The following COL5A2 variants were observed in gnomAD, a reference collection of about 807,000 sequenced individuals.
COL5A2 encodes the protein collagen alpha-2(V) chain.
COL5A2 carries 23 observed loss-of-function variants against 208.2 expected under a neutral mutation model. That is an observed-to-expected ratio of 0.11 (90% confidence interval 0.08 to 0.16). COL5A2 has a LOEUF of 0.16. Ranked by LOEUF, COL5A2 falls within the 10% of genes least tolerant of loss-of-function variation. The pLI is 1.00. For synonymous variants in COL5A2, 625 were observed against 628.5 expected (o/e 0.99, Z 0.08); for missense variants, 1,590 against 1,956.4 (o/e 0.81, Z 3.53).
chr2:189,347,811 T>C, the COL5A2 span, among the ~76,000 whole-genome samples: 1 of 152,166 alleles, frequency 6.6e-6, no homozygotes, highest in African/African-American at 2.4e-5. Context: ...TGAGAGAATG[T>C]TTGAAAATGT....
intron 3 of COL5A2, among the ~76,000 whole-genome samples, chr2:189,103,600 G>A (rs1053651397): frequency 3.9e-5 from 6 of 151,950 alleles, no homozygotes; most frequent in Non-Finnish European, 4.4e-5. Flanking sequence ...AACTATCTTC[G>A]CTTCGTAGGA....
the COL5A2 span, among the ~76,000 whole-genome samples, chr2:189,245,332 A>C: frequency 6.6e-6 from 1 of 152,286 alleles, no homozygotes; most frequent in East Asian, 1.9e-4. Flanking sequence ...CAGGCACAGA[A>C]ACTTACTGTA....
intron 1 of COL5A2, among the ~76,000 whole-genome samples, chr2:189,215,626 CT>C (rs935306401): frequency 2.0e-5 from 3 of 151,824 alleles, no homozygotes; most frequent in Non-Finnish European, 4.4e-5. Flanking sequence ...CATTACATAT[CT>C]TTTGGGCAGT....
At chr2:189,057,139 G>C in intron 34 of COL5A2, 113 bp from the exon 35 acceptor site, 2 of 1,258,534 alleles carry the variant, frequency 1.6e-6, no homozygotes, top group Non-Finnish European at 2.3e-6. Context: ...GTATCCAGGT[G>C]AGCCTGGGAT....
chr2:189,350,705 C>T, the COL5A2 span, among the ~76,000 whole-genome samples: 1 of 152,112 alleles, frequency 6.6e-6, no homozygotes, highest in African/African-American at 2.4e-5. Flanking sequence ...TGTAATTGTT[C>T]TGGGCATCAA....
the COL5A2 span, among the ~76,000 whole-genome samples, chr2:189,395,811 G>A: frequency 0.068 from 9,988 of 146,138 alleles, 378 homozygotes; most frequent in South Asian, 0.093. Context: ...GGGAGGCTGA[G>A]TGAGGCAGGT....
At chr2:189,220,466 T>C (rs540159675) in intron 1 of COL5A2, among the ~76,000 whole-genome samples, 123 of 68,632 alleles carry the variant, frequency 1.8e-3, no homozygotes, top group African/African-American at 3.3e-3. Flanking sequence ...GCTCGGTGTA[T>C]TAACAAAAAA....
intron 1 of COL5A2, among the ~76,000 whole-genome samples, chr2:189,125,259 G>T (rs1219743196): frequency 6.6e-6 from 1 of 152,144 alleles, no homozygotes; most frequent in African/African-American, 2.4e-5. Flanking sequence ...GCCATTCACA[G>T]TATCTGAATT....
chr2:189,347,956 G>A, the COL5A2 span, among the ~76,000 whole-genome samples: 1 of 152,076 alleles, frequency 6.6e-6, no homozygotes, highest in Non-Finnish European at 1.5e-5. Flanking sequence ...GCAAGCATAA[G>A]CATGTTTTCA....
At chr2:189,050,499 A>T (rs1177782402) in intron 43 of COL5A2, 70 bp downstream of exon 43, 2 of 1,294,316 alleles carry the variant, frequency 1.5e-6, no homozygotes, top group East Asian at 2.5e-5. Context: ...AGCAAAAAAA[A>T]TAAAATCAAT....
At chr2:189,249,635 G>A in the COL5A2 span, among the ~76,000 whole-genome samples, 1 of 152,164 alleles carries the variant, frequency 6.6e-6, no homozygotes, top group Non-Finnish European at 1.5e-5. Flanking sequence ...AAATAACACA[G>A]ACACCACTCA....
At chr2:189,096,850 G>T (rs1012511649) in intron 6 of COL5A2, among the ~76,000 whole-genome samples, 5 of 152,160 alleles carry the variant, frequency 3.3e-5, no homozygotes, top group South Asian at 2.1e-4. Flanking sequence ...TGCAGTGGCT[G>T]CTGAGTGAAA....
At chr2:189,178,238 A>T (rs1688713974) in intron 1 of COL5A2, among the ~76,000 whole-genome samples, 1 of 152,180 alleles carries the variant, frequency 6.6e-6, no homozygotes, top group African/African-American at 2.4e-5. Flanking sequence ...GACTCCTGAC[A>T]GATTGTTGGA....
intron 1 of COL5A2, among the ~76,000 whole-genome samples, chr2:189,141,504 A>G (rs1399051978): frequency 6.6e-6 from 1 of 152,140 alleles, no homozygotes; most frequent in African/African-American, 2.4e-5. Context: ...TGCTGAGTAT[A>G]TATTAATATA....
At chr2:189,039,168 A>C in intron 51 of COL5A2, 104 bp downstream of exon 51, 2 of 1,380,768 alleles carry the variant, frequency 1.4e-6, no homozygotes, top group Non-Finnish European at 2.0e-6. Context: ...TTTTTATCTC[A>C]AATCTATCAC....
At chr2:189,070,520 G>C (rs557487256) in intron 18 of COL5A2, among the ~76,000 whole-genome samples, 4 of 152,164 alleles carry the variant, frequency 2.6e-5, no homozygotes, top group Non-Finnish European at 5.9e-5. Flanking sequence ...CTAGATATTT[G>C]AGTTTTATTG....
chr2:189,238,564 C>A, the COL5A2 span, among the ~76,000 whole-genome samples: 3 of 152,062 alleles, frequency 2.0e-5, no homozygotes, highest in South Asian at 4.1e-4. Context: ...TAAAGAACTG[C>A]CTGAGACTGG....
chr2:189,034,333 T>A, intron 53 of COL5A2, 117 bp from the exon 54 acceptor site: 1 of 1,042,624 alleles, frequency 9.6e-7, no homozygotes, highest in Admixed American at 2.1e-5. Flanking sequence ...GAGTACTACT[T>A]AAAAAAAAGG....
chr2:189,223,632 A>C (rs1248943427), intron 1 of COL5A2, among the ~76,000 whole-genome samples: 2 of 152,242 alleles, frequency 1.3e-5, no homozygotes, highest in Admixed American at 6.5e-5. Flanking sequence ...AGCAATAAAA[A>C]TGAATGATCT....
Sources: allele counts gnomAD v4.1 joint callset (sites outside exome capture counted in the v4.1 genomes callset), GRCh38; gene constraint gnomAD v4.1.1; transcripts MANE v1.5; gene names NCBI Gene and HGNC (gene_info 2026-07-23, HGNC 2026-07-21).